DLD: variants seen among roughly 807,000 people sequenced by gnomAD.
DLD encodes dihydrolipoyl dehydrogenase, mitochondrial.
Under a neutral mutation model 62.2 loss-of-function variants are expected in DLD, and 36 were observed. The observed-to-expected ratio is 0.58, with a 90% confidence interval of 0.44 to 0.76. The LOEUF is 0.76. Ranked by LOEUF, DLD falls within the 30% of genes least tolerant of loss-of-function variation. DLD has a pLI of 0.00. For missense variants in DLD, 541 were observed against 608.6 expected (o/e 0.89, Z 1.17); for synonymous variants, 204 against 199.6 (o/e 1.02, Z -0.19).
chr7:107,909,928 C>G (rs1270550352), intron 8 of DLD, among the ~76,000 whole-genome samples: 3 of 149,504 alleles, frequency 2.0e-5, no homozygotes, highest in African/African-American at 7.4e-5. Context: ...CTCACTGCAG[C>G]CTCCACCTCC....
At chr7:107,906,425 G>A (rs1305617714) in intron 8 of DLD, 57 bp downstream of exon 8, 1 of 1,145,522 alleles carries the variant, frequency 8.7e-7, no homozygotes, top group East Asian at 2.4e-5. Context: ...GGACTTAAAG[G>A]TCCCCTTTTT....
chr7:107,905,057 A>AGTG lies in DLD; in HGVS notation c.438_438+1insTGG (p.Lys146_Val147insTrp). 1 of 1,597,268 alleles carries AGTG rather than the reference A, an allele frequency of 6.3e-7. No homozygotes were observed. The highest frequency in any genetic ancestry group is 8.6e-7 in the Non-Finnish European group (1 of 1,165,448). ...ATTGCCCACTTATTCAAACAGAATAAGGTCAGTGTTTAATATTCAGATTTC... is the reference window on the plus strand; with the variant it reads ...ATTGCCCACTTATTCAAACAGAATAAGTGGGTCAGTGTTTAATATTCAGATTTC... On this transcript the variant is annotated inframe_insertion and splice_region_variant, in exon 6 of 14. Transcript: ENST00000205402.
At chr7:107,893,000 G>A (rs1314982206) in intron 1 of DLD, among the ~76,000 whole-genome samples, 200 bp from the exon 2 acceptor site, 1 of 152,192 alleles carries the variant, frequency 6.6e-6, no homozygotes, top group Non-Finnish European at 1.5e-5. Flanking sequence ...GGTGTGGCAA[G>A]CTGAGGCTGA....
chr7:107,918,106 A>G, intron 12 of DLD, 45 bp downstream of exon 12: 1 of 1,610,994 alleles, frequency 6.2e-7, no homozygotes, highest in Non-Finnish European at 8.5e-7. Flanking sequence ...ATTTCTAGAA[A>G]GCATTGCTGT....
chr7:107,918,401 T>C (rs2032322789), intron 12 of DLD, among the ~76,000 whole-genome samples: 1 of 152,156 alleles, frequency 6.6e-6, no homozygotes, highest in Admixed American at 6.5e-5. Context: ...CTTTTTCTGC[T>C]CTCTTTTACT....
chr7:107,902,265 T>C, intron 3 of DLD, 60 bp from the exon 4 acceptor site: 1 of 1,462,716 alleles, frequency 6.8e-7, no homozygotes, highest in Non-Finnish European at 9.6e-7. Flanking sequence ...ATATTTGGAA[T>C]TTTAGTGATC....
chr7:107,904,854 T>A (rs776644633), intron 5 of DLD, 104 bp from the exon 6 acceptor site: 2 of 796,602 alleles, frequency 2.5e-6, no homozygotes, highest in South Asian at 2.9e-5. Context: ...TAATACTGCC[T>A]TTTATAAGCA....
intron 4 of DLD, among the ~76,000 whole-genome samples, chr7:107,902,633 T>G (rs2031905695): frequency 6.6e-6 from 1 of 152,246 alleles, no homozygotes; most frequent in South Asian, 2.1e-4. Flanking sequence ...AATGCCTAGC[T>G]TTCCATTCAA....
In DLD at chr7:107,916,922, G is replaced by A. The variant is rs2032285191; in HGVS notation, c.1004G>A (p.Gly335Asp). Residue 335 changes from glycine (G) to aspartate (D), a missense_variant, in exon 10 of 14, where the codon GGT becomes GAT. By Grantham distance (94) the Gly-to-Asp change is moderately conservative (BLOSUM62 -1). Transcript: ENST00000205402. Reference sequence around the variant, plus strand: ...CTGGGAATTGAACTAGATCCCAGAGGTAGAATTCCAGTCAATACCAGATTT... The same window carrying A: ...CTGGGAATTGAACTAGATCCCAGAGATAGAATTCCAGTCAATACCAGATTT... Reference protein sequence around the residue: ...EELGIELDPRGRIPVNTRFQT... With the variant: ...EELGIELDPRDRIPVNTRFQT... 3 of 1,613,774 alleles carry A rather than the reference G, an allele frequency of 1.9e-6. No homozygotes were observed. The highest frequency in any genetic ancestry group is 1.1e-5 in the South Asian group (1 of 91,054).
intron 8 of DLD, among the ~76,000 whole-genome samples, chr7:107,912,427 C>G (rs951347518): frequency 6.6e-5 from 10 of 152,116 alleles, no homozygotes; most frequent in Non-Finnish European, 1.2e-4. Flanking sequence ...AGTGGCTGTA[C>G]TAACTTACAT....
In DLD at chr7:107,915,846, G is replaced by T. The variant is rs140749649; in HGVS notation, c.875+150G>T. ...TAACTCAGTTGCTTATCAAATTATT[G>T]CATTAGCACATTGAAATTTATGATT... On this transcript the variant is annotated intron_variant, in intron 9 of 13. Transcript: ENST00000205402. 2.5e-4 allele frequency: 161 copies of T among 653,224 alleles called. 1 individual carries two copies. The East Asian group carries it at 3.6e-3, about 15-fold the overall frequency. 40.5% of individuals were successfully genotyped at this position (653,224 alleles called of 1,614,324 possible).
chr7:107,894,899 T>C (rs1281411208), intron 2 of DLD, among the ~76,000 whole-genome samples: 1 of 152,266 alleles, frequency 6.6e-6, no homozygotes, highest in East Asian at 1.9e-4. Flanking sequence ...TACTGTCTTT[T>C]CCTCAGGAAT....
chr7:107,895,868 TTA>T (rs1186517910), intron 2 of DLD, among the ~76,000 whole-genome samples: 10 of 152,210 alleles, frequency 6.6e-5, no homozygotes, highest in Non-Finnish European at 1.2e-4. Context: ...GCTATGTCAT[TTA>T]TATATACACA....
chr7:107,897,994 T>C (rs2031772765), intron 2 of DLD, among the ~76,000 whole-genome samples: 1 of 152,190 alleles, frequency 6.6e-6, no homozygotes, highest in East Asian at 1.9e-4. Flanking sequence ...GTAACACTTG[T>C]AGGAATTTGT....
At chr7:107,891,143 T>G, upstream of DLD, 1 of 1,404,956 alleles carries the variant, frequency 7.1e-7, no homozygotes, top group South Asian at 1.2e-5. Flanking sequence ...TCCCGGGTGA[T>G]GACGTAGGCT....
chr7:107,902,570 A>G (rs2116211030), intron 4 of DLD, among the ~76,000 whole-genome samples, 177 bp downstream of exon 4: 1 of 152,358 alleles, frequency 6.6e-6, no homozygotes, highest in Admixed American at 6.5e-5. Context: ...TAAAACTTAA[A>G]GAGTGCTGTC....
intron 10 of DLD, 119 bp from the exon 11 acceptor site, chr7:107,917,154 T>C: frequency 1.6e-6 from 2 of 1,261,490 alleles, no homozygotes; most frequent in Non-Finnish European, 1.1e-6. Flanking sequence ...TTTGAAGAGC[T>C]GCATTTGATG....
chr7:107,915,469 CTT>C lies in DLD; in HGVS notation c.685-34_685-33del, dbSNP rs1353056531. On this transcript the variant is annotated intron_variant, in intron 8 of 13. Coordinates refer to ENST00000205402, the MANE Select transcript of DLD (RefSeq NM_000108.5). ...ATTTCGTAAACATTTGCTATAGAAA[CTT>C]TTATGATTATTGGGTTTTTTTAATT... 6.2e-6 allele frequency: 10 copies of C among 1,604,894 alleles called. No homozygotes were observed. The South Asian group carries it at 9.9e-5, about 16-fold the overall frequency.
At position 107,919,138 on chromosome 7, in the gene DLD, A is replaced by G. The variant is rs2032346684; in HGVS notation, c.1464+39A>G. ...ACATATAGAATTGATGGTTGCCTAA[A>G]TTTTCTTCTGACCCACAAATATTTG... On this transcript the variant is annotated intron_variant, in intron 13 of 13. Transcript: ENST00000205402. 3.7e-6 allele frequency: 6 copies of G among 1,612,280 alleles called. No individual in the cohort carries two copies. The South Asian group carries it at 4.4e-5, about 12-fold the overall frequency.
Sources: allele counts gnomAD v4.1 joint callset (sites outside exome capture counted in the v4.1 genomes callset), GRCh38; gene constraint gnomAD v4.1.1; transcripts MANE v1.5; gene names NCBI Gene and HGNC (gene_info 2026-07-23, HGNC 2026-07-21).